The following GRM1 variants were observed in gnomAD, a reference collection of about 807,000 sequenced individuals.
GRM1 encodes glutamate metabotropic receptor 1, also known as metabotropic glutamate receptor 1.
In GRM1, 33 loss-of-function variants were observed where a neutral mutation model predicts 90.9. The observed-to-expected ratio is 0.36, with a 90% CI of 0.28 to 0.49. GRM1 has a LOEUF of 0.49. Ranked by LOEUF, GRM1 falls within the 20% of genes least tolerant of loss-of-function variation. GRM1 has a pLI of 0.99. For missense variants in GRM1, 1,190 were observed against 1,534.3 expected, an observed-to-expected ratio of 0.78 and a Z score of 3.75; for synonymous variants, 700 against 613.2, an observed-to-expected ratio of 1.14 and a Z score of -2.09.
At chr6:146,278,809 T>G (rs374809634) in intron 2 of GRM1, among the ~76,000 whole-genome samples, 6 of 152,172 alleles carry the variant, frequency 3.9e-5, no homozygotes, top group South Asian at 2.1e-4. Context: ...CTTTGCTTCT[T>G]CCTTAAATAT....
chr6:146,211,817 G>T (rs974360813), intron 2 of GRM1, among the ~76,000 whole-genome samples: 1 of 152,084 alleles, frequency 6.6e-6, no homozygotes, highest in Non-Finnish European at 1.5e-5. Flanking sequence ...AGATTCCACT[G>T]ACTGGCTTGT....
At chr6:146,237,619 A>G (rs527447096) in intron 2 of GRM1, among the ~76,000 whole-genome samples, 1 of 151,976 alleles carries the variant, frequency 6.6e-6, no homozygotes, top group Non-Finnish European at 1.5e-5. Context: ...TGATATCCAG[A>G]TAAAAGGAGG....
intron 7 of GRM1, among the ~76,000 whole-genome samples, chr6:146,401,942 C>G (rs1777172700): frequency 6.6e-6 from 1 of 152,164 alleles, no homozygotes. Context: ...CTCTCATGTC[C>G]AGGCATTGCT....
intron 1 of GRM1, among the ~76,000 whole-genome samples, chr6:146,080,522 G>A (rs1776329968): frequency 6.6e-6 from 1 of 152,120 alleles, no homozygotes; most frequent in African/African-American, 2.4e-5. Context: ...GAGAAGGGAG[G>A]AAGTTACAAG....
chr6:146,166,503 A>G (rs532707903), intron 2 of GRM1, among the ~76,000 whole-genome samples: 45 of 152,242 alleles, frequency 3.0e-4, no homozygotes, highest in African/African-American at 1.0e-3. Context: ...TAAACTACAG[A>G]TACATTTGAG....
chr6:146,109,963 A>G lies in GRM1; in HGVS notation c.701-49385A>G, dbSNP rs539215265. 3.9e-5 allele frequency among the ~76,000 whole-genome samples: 6 copies of G among 152,306 alleles called. No homozygotes were observed. The East Asian group carries it at 7.7e-4, about 20-fold the overall frequency. The stretch of plus-strand genomic sequence containing the variant: ...CTATTTGGAATGGCTGTATTTTCCC[A>G]GTGCCTGTACCCTCATTGTATCTAG... On this transcript the variant is annotated intron_variant, in intron 1 of 7. Coordinates refer to ENST00000282753, the MANE Select transcript of GRM1 (RefSeq NM_001278064.2).
At position 146,399,021 on chromosome 6, in the gene GRM1, G is replaced by A. The variant is rs200495057; in HGVS notation, c.1982G>A (p.Arg661His). ...ACTACCACCTCCTGCTACCTCCAGC[G>A]CCTCTTGGTTGGCCTCTCCTCTGCG... ...KPTTTSCYLQ[R>H]LLVGLSSAMC... Residue 661 changes from arginine (R) to histidine (H), a missense_variant, in exon 7 of 8, where the codon CGC becomes CAC. By Grantham distance (29) the Arg-to-His change is conservative. This residue lies in a region of GRM1 where 414 missense variants were observed against 598.4 expected (regional missense o/e 0.69). Coordinates refer to ENST00000282753, the MANE Select transcript of GRM1 (RefSeq NM_001278064.2). This position sits in a 1 kb window ranked among gnomAD's most constrained non-coding sequence, Gnocchi z 5.4. The A allele has an allele frequency of 1.3e-4, 214 of 1,613,950 alleles. No homozygotes were observed. Among genetic ancestry groups the A allele is most frequent in the South Asian group, 3.7e-4 (34 of 91,058 alleles).
At chr6:146,225,605 A>T (rs1031607150) in intron 2 of GRM1, among the ~76,000 whole-genome samples, 3 of 152,142 alleles carry the variant, frequency 2.0e-5, no homozygotes, top group African/African-American at 7.2e-5. Context: ...TTTAACACTC[A>T]GGTATAGTAG....
At position 146,293,110 on chromosome 6, in the gene GRM1, T is replaced by C. The variant is rs540747106; in HGVS notation, c.951-11501T>C. Reference sequence around the variant, plus strand: ...AAAAAGTGACTTGATTGCCAGGGACTGGGGACAGGGAGAAATAGGAAGTAA... The same window carrying C: ...AAAAAGTGACTTGATTGCCAGGGACCGGGGACAGGGAGAAATAGGAAGTAA... On this transcript the variant is annotated intron_variant, in intron 2 of 7. Coordinates refer to ENST00000282753, the MANE Select transcript of GRM1 (RefSeq NM_001278064.2). 3.2e-3 allele frequency among the ~76,000 whole-genome samples: 483 copies of C among 152,034 alleles called. 4 individuals are homozygous for C. The highest frequency in any genetic ancestry group is 0.011 in the African/African-American group (469 of 41,532).
intron 3 of GRM1, among the ~76,000 whole-genome samples, chr6:146,325,037 A>T (rs1784355972): frequency 6.6e-6 from 1 of 152,252 alleles, no homozygotes; most frequent in Non-Finnish European, 1.5e-5. Flanking sequence ...TAAGGCAGTG[A>T]ATGAAATATT....
At chr6:146,130,384 C>A (rs1315394166) in intron 1 of GRM1, among the ~76,000 whole-genome samples, 1 of 151,698 alleles carries the variant, frequency 6.6e-6, no homozygotes, top group Non-Finnish European at 1.5e-5. Context: ...AAATAAATTT[C>A]TTAAGAAAAA....
At chr6:146,370,231 G>C (rs1775848035) in intron 5 of GRM1, among the ~76,000 whole-genome samples, 1 of 151,948 alleles carries the variant, frequency 6.6e-6, no homozygotes, top group Admixed American at 6.6e-5. Flanking sequence ...ATCTAACTTT[G>C]TTCCCTAGGC....
At chr6:146,137,230 C>G (rs1776659689) in intron 1 of GRM1, among the ~76,000 whole-genome samples, 1 of 152,162 alleles carries the variant, frequency 6.6e-6, no homozygotes, top group African/African-American at 2.4e-5. Context: ...TATACTGAAG[C>G]AATCTTTGCC....
intron 1 of GRM1, among the ~76,000 whole-genome samples, chr6:146,155,760 T>G (rs1777505276): frequency 6.6e-6 from 1 of 152,180 alleles, no homozygotes; most frequent in South Asian, 2.1e-4. Context: ...TTCTCCAACT[T>G]CATCTCTTCT....
At chr6:146,143,448 C>T (rs1033479197) in intron 1 of GRM1, among the ~76,000 whole-genome samples, 1 of 152,134 alleles carries the variant, frequency 6.6e-6, no homozygotes, top group African/African-American at 2.4e-5. Flanking sequence ...GAATGTCAGT[C>T]CAATGATGCT....
intron 1 of GRM1, among the ~76,000 whole-genome samples, chr6:146,137,640 G>C (rs1298444439): frequency 2.0e-5 from 3 of 152,002 alleles, no homozygotes; most frequent in African/African-American, 7.2e-5. Context: ...TGGCTATTCT[G>C]GGTCTTATCT....
At chr6:146,117,580 CTTCT>C (rs1444337155) in intron 1 of GRM1, among the ~76,000 whole-genome samples, 1 of 151,812 alleles carries the variant, frequency 6.6e-6, no homozygotes, top group East Asian at 1.9e-4. Context: ...CATTTTATGA[CTTCT>C]TTTTTTTGTT....
chr6:146,104,657 G>A (rs1434583702), intron 1 of GRM1, among the ~76,000 whole-genome samples: 2 of 152,176 alleles, frequency 1.3e-5, no homozygotes, highest in Admixed American at 1.3e-4. Flanking sequence ...GGTCAACACT[G>A]TTACATGCTC....
intron 2 of GRM1, among the ~76,000 whole-genome samples, chr6:146,193,472 C>T (rs774608254): frequency 5.9e-5 from 9 of 152,040 alleles, no homozygotes; most frequent in South Asian, 4.2e-4. Flanking sequence ...GTCCTAAAGC[C>T]GAGTGAAAAA....
Sources: gnomAD v4.1 joint callset for allele counts (sites outside exome capture counted in the v4.1 genomes callset) on GRCh38, gnomAD v4.1.1 for gene constraint, gnomAD v4.1.1 regional missense constraint, Gnocchi (gnomAD v3.1) non-coding constraint, MANE v1.5 for transcripts, NCBI Gene and HGNC (gene_info 2026-07-23, HGNC 2026-07-21) for gene names.